Variants in CAPN5 observed in about 807,000 individuals in gnomAD.
CAPN5 encodes calpain-5.
In CAPN5, 54 loss-of-function variants were observed where a neutral mutation model predicts 73.0. The ratio of observed to expected loss-of-function variants is 0.74; its 90% CI spans 0.59 to 0.93. The LOEUF is 0.93. CAPN5 is among the 40% of genes least tolerant of loss of function. The probability of loss-of-function intolerance (pLI) is 0.00; values close to 1 mark genes in which losing one functional copy is unlikely to be tolerated. For missense variants in CAPN5, 785 were observed against 882.9 expected (o/e 0.89, Z 1.41); for synonymous variants, 335 against 356.9 (o/e 0.94, Z 0.69).
chr11:77,096,876 T>C (rs1950214106), intron 3 of CAPN5, among the ~76,000 whole-genome samples: 1 of 152,068 alleles, frequency 6.6e-6, no homozygotes. Flanking sequence ...GAGGGAGTGT[T>C]GGGGTGAGCA....
Position 77,114,516 on chromosome 11 carries a change from G to A in CAPN5, c.699+82G>A, listed in dbSNP as rs1411438270. On this transcript the variant is annotated intron_variant, in intron 5 of 12. Coordinates refer to ENST00000648180, the MANE Select transcript of CAPN5 (RefSeq NM_004055.5). ...ATGGGAGACAACTGTGACATCCCAC[G>A]CTCAGGTCAGCTCCTACGTATTCAG... 1.2e-5 allele frequency: 15 copies of A among 1,246,738 alleles called. No homozygotes were observed. In the Admixed American group the frequency reaches 1.5e-4, roughly 13 times the overall value. The allele number at this position is 1,246,738 out of a possible 1,614,324, so 77.2% of individuals were successfully genotyped here.
At chr11:77,110,119 T>C (rs77746862) in intron 3 of CAPN5, among the ~76,000 whole-genome samples, 2 of 143,084 alleles carry the variant, frequency 1.4e-5, no homozygotes, top group Admixed American at 6.8e-5. Flanking sequence ...GAACCGCTCT[T>C]TTTTTTTTTT....
At chr11:77,077,415 T>C (rs1202405613) in intron 1 of CAPN5, among the ~76,000 whole-genome samples, 1 of 152,226 alleles carries the variant, frequency 6.6e-6, no homozygotes, top group African/African-American at 2.4e-5. Flanking sequence ...TGTCTTTTTT[T>C]AATAAGATAT....
intron 2 of CAPN5, chr11:77,087,971 G>T: frequency 1.3e-6 from 2 of 1,535,718 alleles, no homozygotes; most frequent in Non-Finnish European, 1.7e-6. Context: ...CCCCTCACAG[G>T]CCTGGCTGGG....
In CAPN5 at chr11:77,122,602, T is replaced by C. The variant is rs782764158; in HGVS notation, c.1630T>C (p.Cys544Arg). ...TGANSYVIIK[C>R]EGDKVRSAVQ... ...GGCTAACTCTTATGTGATCATCAAG[T>C]GTGAGGGAGACAAAGTCCGCTCGGC... is the stretch of plus-strand genomic sequence containing the variant. Residue 544 changes from cysteine (C) to arginine (R), a missense_variant, in exon 12 of 13, where the codon TGT (cysteine) becomes CGT (arginine). By Grantham distance (180) the Cys-to-Arg change is radical. Transcript: ENST00000648180. The C allele has an allele frequency of 6.3e-7, 1 of 1,597,988 alleles. No individual in the cohort carries two copies. Among genetic ancestry groups the C allele is most frequent in the South Asian group, 1.1e-5 (1 of 90,794 alleles).
chr11:77,114,919 C>T (rs541102537), intron 5 of CAPN5, among the ~76,000 whole-genome samples: 17 of 152,204 alleles, frequency 1.1e-4, no homozygotes, highest in African/African-American at 2.9e-4. Flanking sequence ...TATTCCTGGC[C>T]GGGCATGGTG....
Position 77,115,414 on chromosome 11 carries a change from T to C in CAPN5, c.719T>C (p.Met240Thr). ...ASIKAVTAAD[M>T]EARLACGLVK... ...CCACAGGCAGTGACAGCAGCTGACA[T>C]GGAGGCCCGCCTGGCGTGCGGCCTG... Residue 240 changes from methionine to threonine, a missense_variant, in exon 6 of 13, where the codon ATG becomes ACG. Transcript: ENST00000648180. 1 of 1,604,254 alleles carries C rather than the reference T, an allele frequency of 6.2e-7. No homozygotes were observed. Among genetic ancestry groups the C allele is most frequent in the Non-Finnish European group, 8.5e-7 (1 of 1,172,938 alleles).
chr11:77,086,379 G>A (rs920268868), intron 2 of CAPN5, among the ~76,000 whole-genome samples: 3 of 152,162 alleles, frequency 2.0e-5, no homozygotes, highest in Non-Finnish European at 2.9e-5. Context: ...AGGAAGGTGC[G>A]TGTCCTAGAT....
intron 1 of CAPN5, among the ~76,000 whole-genome samples, chr11:77,084,344 T>A (rs1950058880): frequency 6.6e-6 from 1 of 152,180 alleles, no homozygotes; most frequent in Admixed American, 6.5e-5. Context: ...GAAGGCAGCA[T>A]GGTGCGGGGA....
At chr11:77,082,958 G>T (rs1208027576) in intron 1 of CAPN5, among the ~76,000 whole-genome samples, 3 of 152,190 alleles carry the variant, frequency 2.0e-5, no homozygotes, top group Non-Finnish European at 4.4e-5. Flanking sequence ...AACTGACCCT[G>T]CCGGAAACCC....
intron 2 of CAPN5, among the ~76,000 whole-genome samples, chr11:77,086,710 TC>T (rs1330467944): frequency 6.6e-6 from 1 of 152,168 alleles, no homozygotes; most frequent in Non-Finnish European, 1.5e-5. Context: ...TTCGCCCTCC[TC>T]CCACTCCATC....
At chr11:77,114,542 A>G in intron 5 of CAPN5, 108 bp downstream of exon 5, 1 of 1,002,894 alleles carries the variant, frequency 1.0e-6, no homozygotes, top group Non-Finnish European at 1.5e-6. Context: ...ACGTATTCAG[A>G]CCCTCAGCCT....
chr11:77,115,203 A>C (rs10899352), intron 5 of CAPN5, among the ~76,000 whole-genome samples, 192 bp from the exon 6 acceptor site: 14 of 152,276 alleles, frequency 9.2e-5, no homozygotes, highest in African/African-American at 3.4e-4. Flanking sequence ...CTGACCCACT[A>C]TGGGCACCTT....
intron 12 of CAPN5, 139 bp from the exon 13 acceptor site, chr11:77,123,549 G>A: frequency 1.4e-6 from 1 of 709,058 alleles, no homozygotes; most frequent in Non-Finnish European, 2.4e-6. Context: ...TTCATGGGGA[G>A]GCAGACAGCC....
Position 77,115,548 on chromosome 11 carries a change from C to T in CAPN5, c.853C>T (p.Pro285Ser), listed in dbSNP as rs782652460. Residue 285 changes from proline (P) to serine (S), a missense_variant, in exon 6 of 13, where the codon CCC (proline) becomes TCC (serine). Coordinates refer to ENST00000648180, the MANE Select transcript of CAPN5 (RefSeq NM_004055.5). ...EKLDMIRLRN[P>S]WGEREWNGPW... ...GTTGGACATGATCCGCCTGCGCAACCCCTGGGGCGAGCGGGAGTGGAACGG... is the reference window on the plus strand; with the variant it reads ...GTTGGACATGATCCGCCTGCGCAACTCCTGGGGCGAGCGGGAGTGGAACGG... The T allele has an allele frequency of 1.9e-6, 3 of 1,612,802 alleles. No homozygotes were observed. In the South Asian group the frequency reaches 3.3e-5, roughly 18 times the overall value.
At chr11:77,109,616 C>T (rs555039530) in intron 3 of CAPN5, among the ~76,000 whole-genome samples, 105 of 152,220 alleles carry the variant, frequency 6.9e-4, no homozygotes, top group African/African-American at 2.4e-3. Context: ...TGGTTTCCGG[C>T]GTGGCGTGGG....
chr11:77,091,294 G>A (rs1555036474), intron 2 of CAPN5, among the ~76,000 whole-genome samples: 1 of 152,172 alleles, frequency 6.6e-6, no homozygotes, highest in Non-Finnish European at 1.5e-5. Flanking sequence ...ACAGCAGGGA[G>A]CAGACATTCA....
At chr11:77,096,907 G>A (rs1443427575) in intron 3 of CAPN5, among the ~76,000 whole-genome samples, 1 of 152,190 alleles carries the variant, frequency 6.6e-6, no homozygotes, top group African/African-American at 2.4e-5. Context: ...GGGCCTGGGA[G>A]GGGCCAGTGG....
In CAPN5 at chr11:77,118,297, A is replaced by G; in HGVS notation, c.1112A>G (p.Gln371Arg). Residue 371 changes from glutamine (Q) to arginine (R), a missense_variant, in exon 8 of 13, where the codon CAG becomes CGG. Physicochemically the swap from Gln to Arg is conservative, Grantham distance 43 (BLOSUM62 1). Transcript: ENST00000648180. ...GAWTLHEDPR[Q>R]NRGGGCINHK... ...TGGACGCTGCATGAGGACCCGCGACAGAACCGCGGTGGCGGCTGCATCAAC... is the reference window on the plus strand; with the variant it reads ...TGGACGCTGCATGAGGACCCGCGACGGAACCGCGGTGGCGGCTGCATCAAC... 6.2e-7 allele frequency: 1 copy of G among 1,613,106 alleles called. No homozygotes were observed. The highest frequency in any genetic ancestry group is 8.5e-7 in the Non-Finnish European group (1 of 1,179,586).
Sources: gnomAD v4.1 joint callset for allele counts (sites outside exome capture counted in the v4.1 genomes callset) on GRCh38, gnomAD v4.1.1 for gene constraint, MANE v1.5 for transcripts, NCBI Gene and HGNC (gene_info 2026-07-23, HGNC 2026-07-21) for gene names.